The following CCDC3 variants were observed in gnomAD, a reference collection of about 807,000 sequenced individuals.
CCDC3 encodes coiled-coil domain-containing protein 3.
A neutral mutation model predicts 21.4 loss-of-function variants in CCDC3; 24 were observed. The ratio of observed to expected loss-of-function variants is 1.12; its 90% CI spans 0.81 to 1.58. CCDC3 has a LOEUF of 1.58. CCDC3 is among the 40% of genes most tolerant of loss of function. CCDC3 has a pLI of 0.00. For missense variants in CCDC3, 425 were observed against 360.9 expected (o/e 1.18, Z -1.44); for synonymous variants, 186 against 166.0 (o/e 1.12, Z -0.93).
At chr10:13,072,379 C>T (rs548299504) in intron 4 of CCDC3, among the ~76,000 whole-genome samples, 11 of 152,236 alleles carry the variant, frequency 7.2e-5, no homozygotes, top group East Asian at 3.9e-4. Context: ...TTCTAACCGC[C>T]GTTGGATGTA....
At chr10:12,966,911 T>C (rs966907971) in intron 2 of CCDC3, among the ~76,000 whole-genome samples, 5 of 152,180 alleles carry the variant, frequency 3.3e-5, no homozygotes, top group African/African-American at 9.7e-5. Flanking sequence ...TCAACAAACC[T>C]GGGAGGAAGG....
At chr10:13,081,945 T>C (rs1284776291) in intron 3 of CCDC3, among the ~76,000 whole-genome samples, 1 of 152,232 alleles carries the variant, frequency 6.6e-6, no homozygotes, top group African/African-American at 2.4e-5. Flanking sequence ...CTACAGCCTG[T>C]GACAGTGAAC....
rs1488602156 is a variant in CCDC3, at chr10:13,001,198, T to C, written c.373A>G (p.Arg125Gly). ...VQDYSYFFFL[R>G]MDENYNLLPH... Reference sequence around the variant, plus strand: ...TGGCGGCGGCGCCGCCGGGCTCACCTGAGGAAGAAGAAATAGGAGTAGTCC... The same window carrying C: ...TGGCGGCGGCGCCGCCGGGCTCACCCGAGGAAGAAGAAATAGGAGTAGTCC... Residue 125 changes from arginine to glycine, a missense_variant and splice_region_variant, in exon 1 of 3, where the codon AGG becomes GGG. Coordinates refer to ENST00000378825, the MANE Select transcript of CCDC3 (RefSeq NM_031455.4). 1.3e-6 allele frequency: 2 copies of C among 1,551,264 alleles called. No individual in the cohort carries two copies. The highest frequency in any genetic ancestry group is 1.4e-5 in the African/African-American group (1 of 73,008).
At position 13,049,491 on chromosome 10, in the gene CCDC3, T is replaced by C. The variant is rs531550315; in HGVS notation, c.-2+183A>G. Among the ~76,000 whole-genome samples, 13 of 152,268 alleles carry C rather than the reference T, an allele frequency of 8.5e-5. No homozygotes were observed. In the South Asian group the frequency reaches 1.7e-3, roughly 19 times the overall value. On this transcript the variant is annotated intron_variant, in intron 5 of 6. Coordinates refer to the CCDC3 transcript ENST00000378839. ...ACCTGTGACGCTGGAAAAGTACTAA[T>C]GAATTTGTATGAGGCTCCACAAACC...
intron 5 of CCDC3, among the ~76,000 whole-genome samples, chr10:13,025,920 C>A (rs1836208184): frequency 6.6e-6 from 1 of 152,188 alleles, no homozygotes; most frequent in African/African-American, 2.4e-5. Context: ...GTGGCTCACG[C>A]CTGTAATCCC....
chr10:13,007,376 A>G (rs575304673), intron 5 of CCDC3, among the ~76,000 whole-genome samples: 8 of 152,330 alleles, frequency 5.3e-5, no homozygotes, highest in African/African-American at 1.9e-4. Context: ...CAAGTAAGCT[A>G]TTAGAGTCAC....
At chr10:13,037,069 G>A (rs1836387006) in intron 5 of CCDC3, among the ~76,000 whole-genome samples, 1 of 152,124 alleles carries the variant, frequency 6.6e-6, no homozygotes, top group East Asian at 1.9e-4. Flanking sequence ...ATAGGCATGA[G>A]TCACTGTGCC....
rs559283381 is a variant in CCDC3 at position 12,940,605 on chromosome 10, G to A, written c.550-41926C>T. ...GACTGTCCAATCATAACCTTGTAGA[G>A]CCTTACCTTACAGAATAATCGTATT... On this transcript the variant is annotated intron_variant, in intron 2 of 2. Transcript: ENST00000378825. 3.9e-5 allele frequency among the ~76,000 whole-genome samples: 6 copies of A among 152,288 alleles called. No individual in the cohort carries two copies. In the East Asian group the frequency reaches 1.2e-3, roughly 29 times the overall value.
intron 4 of CCDC3, among the ~76,000 whole-genome samples, chr10:13,052,979 C>CACACACACAT (rs1223490802): frequency 1.2e-5 from 1 of 82,068 alleles, no homozygotes; most frequent in African/African-American, 4.6e-5. Flanking sequence ...CACACACACA[C>CACACACACAT]ACACACATAC....
At chr10:13,053,675 G>A (rs889392240) in intron 4 of CCDC3, among the ~76,000 whole-genome samples, 4 of 152,142 alleles carry the variant, frequency 2.6e-5, no homozygotes, top group African/African-American at 9.7e-5. Flanking sequence ...AACCTTGGAG[G>A]GCACATTTGT....
Position 12,991,532 on chromosome 10 carries a change from C to T in CCDC3, c.549+6806G>A, listed in dbSNP as rs578244399. On this transcript the variant is annotated intron_variant, in intron 2 of 2. Coordinates refer to ENST00000378825, the MANE Select transcript of CCDC3 (RefSeq NM_031455.4). ...GACGGGGTTTCACCATGTTGTATCA[C>T]CATGTTGGCGAGGCTGGTCTCAAAC... 4.6e-5 allele frequency among the ~76,000 whole-genome samples: 7 copies of T among 152,170 alleles called. 1 individual carries two copies. The South Asian group carries it at 1.5e-3, about 32-fold the overall frequency.
intron 2 of CCDC3, among the ~76,000 whole-genome samples, chr10:12,969,400 C>CA (rs1468220509): frequency 6.6e-6 from 1 of 151,712 alleles, no homozygotes; most frequent in African/African-American, 2.4e-5. Flanking sequence ...GGAGTTTCCT[C>CA]AAAAAATTAA....
At chr10:12,937,797 G>C (rs1224755544) in intron 2 of CCDC3, among the ~76,000 whole-genome samples, 1 of 152,160 alleles carries the variant, frequency 6.6e-6, no homozygotes, top group Non-Finnish European at 1.5e-5. Flanking sequence ...GCTCAGATGG[G>C]AGGCCACTAC....
At chr10:13,055,013 T>G (rs565809972) in intron 4 of CCDC3, among the ~76,000 whole-genome samples, 38 of 152,266 alleles carry the variant, frequency 2.5e-4, no homozygotes, top group South Asian at 1.9e-3. Context: ...TGACCTCAGA[T>G]CAACAGCTCT....
chr10:13,045,015 C>T (rs1577242), intron 5 of CCDC3, among the ~76,000 whole-genome samples: 26,397 of 152,038 alleles, frequency 0.17, 2,842 homozygotes, highest in African/African-American at 0.3. Flanking sequence ...ATCTAAATGC[C>T]ATAGCAATTT....
At chr10:12,996,379 A>C (rs628958) in intron 2 of CCDC3, among the ~76,000 whole-genome samples, 150,330 of 152,204 alleles carry the variant, frequency 0.99, 74,278 homozygotes, top group Middle Eastern at 1. Flanking sequence ...TCTGTCGCCC[A>C]GGCTGGAGTG....
chr10:12,928,705 A>T (rs1371966150), intron 2 of CCDC3, among the ~76,000 whole-genome samples: 2 of 152,200 alleles, frequency 1.3e-5, no homozygotes, highest in African/African-American at 2.4e-5. Context: ...GTGATTTTGC[A>T]CACAGAAGCC....
chr10:13,006,530 C>G (rs895270609), upstream of CCDC3, among the ~76,000 whole-genome samples: 3 of 152,188 alleles, frequency 2.0e-5, no homozygotes, highest in South Asian at 6.2e-4. Context: ...TTTTTGCAAT[C>G]CCCTCAGGGA....
chr10:12,906,222 G>C (rs933803133), intron 2 of CCDC3, among the ~76,000 whole-genome samples: 3 of 152,216 alleles, frequency 2.0e-5, no homozygotes, highest in Non-Finnish European at 4.4e-5. Flanking sequence ...TTCTTCTGAG[G>C]ACTGTCTGGA....
Sources: allele counts gnomAD v4.1 joint callset (sites outside exome capture counted in the v4.1 genomes callset), GRCh38; gene constraint gnomAD v4.1.1; transcripts MANE v1.5; gene names NCBI Gene and HGNC (gene_info 2026-07-23, HGNC 2026-07-21).